The following FN1 variants were observed in gnomAD, a reference collection of about 807,000 sequenced individuals.
FN1 encodes the protein fibronectin.
Under a neutral mutation model 297.3 loss-of-function variants are expected in FN1, and 106 were observed. The observed-to-expected ratio is 0.36, with a 90% CI of 0.30 to 0.42. FN1 has a LOEUF of 0.42. FN1 is among the 10% of genes least tolerant of loss of function. The pLI is 1.00. For missense variants in FN1, 2,690 were observed against 3,124.9 expected (o/e 0.86, Z 3.32); for synonymous variants, 1,149 against 1,152.6 (o/e 1.00, Z 0.06).
At chr2:215,362,795 G>A (rs1268145679) in intron 44 of FN1, 1 of 152,662 alleles carries the variant, frequency 6.6e-6, no homozygotes, top group South Asian at 2.1e-4. Flanking sequence ...AAGCTGGCAG[G>A]GGGTAAAGCA....
In FN1 at chr2:215,407,193, C is replaced by T; in HGVS notation, c.2647G>A (p.Val883Met). ...GVQYNITIYA[V>M]EENQESTPVV... ...GGTGTACTTTCTTGATTTTCTTCCA[C>T]AGCATAGATAGTGATGTTATACTGA... Residue 883 changes from valine to methionine, a missense_variant, in exon 18 of 46, where the codon GTG becomes ATG. Physicochemically the swap from Val to Met is conservative, Grantham distance 21. This residue lies in a region of FN1 where 71 missense variants were observed against 121.7 expected (regional missense o/e 0.58). Transcript: ENST00000354785. 6.2e-7 allele frequency: 1 copy of T among 1,614,056 alleles called. No individual in the cohort carries two copies. The highest frequency in any genetic ancestry group is 1.3e-5 in the African/African-American group (1 of 75,046).
At chr2:215,365,422 C>G in intron 43 of FN1, 83 bp downstream of exon 43, 1 of 1,452,026 alleles carries the variant, frequency 6.9e-7, no homozygotes, top group Non-Finnish European at 9.7e-7. Flanking sequence ...AGTCTCCAAT[C>G]ATTTCTGTGA....
chr2:215,397,254 G>C (rs2060404767), intron 22 of FN1, 31 bp from the exon 23 acceptor site: 1 of 1,498,326 alleles, frequency 6.7e-7, no homozygotes, highest in South Asian at 1.1e-5. Context: ...AAAAGTCAAA[G>C]CTGACACAAA....
chr2:215,417,974 T>A (rs2063676817), intron 12 of FN1, among the ~76,000 whole-genome samples: 1 of 152,234 alleles, frequency 6.6e-6, no homozygotes, highest in South Asian at 2.1e-4. Flanking sequence ...AGCATTTTTT[T>A]AGAAGTTTCT....
At chr2:215,389,303 C>T (rs900371571) in intron 26 of FN1, among the ~76,000 whole-genome samples, 2 of 151,922 alleles carry the variant, frequency 1.3e-5, no homozygotes, top group Admixed American at 6.6e-5. Context: ...GGGGCTTCAC[C>T]GTGTTAACCA....
intron 5 of FN1, among the ~76,000 whole-genome samples, chr2:215,428,955 C>A (rs2106495752): frequency 6.6e-6 from 1 of 152,048 alleles, no homozygotes; most frequent in Admixed American, 6.6e-5. Context: ...GTGGAGGTTG[C>A]AATGAGCTGA....
At chr2:215,384,731 A>G (rs1559401736) in intron 29 of FN1, 129 bp downstream of exon 29, 4 of 724,476 alleles carry the variant, frequency 5.5e-6, no homozygotes, top group Non-Finnish European at 7.4e-6. Context: ...ATTTTCTTGG[A>G]AAAAACAAGG....
intron 21 of FN1, 122 bp from the exon 22 acceptor site, chr2:215,397,970 T>C: frequency 1.2e-6 from 1 of 863,572 alleles, no homozygotes; most frequent in Non-Finnish European, 1.9e-6. Flanking sequence ...AGTGTACTTT[T>C]ATTGGGAAAT....
chr2:215,404,726 T>C, intron 19 of FN1, 71 bp from the exon 20 acceptor site: 1 of 1,382,704 alleles, frequency 7.2e-7, no homozygotes, highest in Non-Finnish European at 1.0e-6. Context: ...TCCTGAAACT[T>C]GATTGAATGT....
At chr2:215,412,118 G>C (rs1397449676) in intron 13 of FN1, among the ~76,000 whole-genome samples, 2 of 151,966 alleles carry the variant, frequency 1.3e-5, no homozygotes, top group African/African-American at 4.8e-5. Flanking sequence ...TGTTGATTTC[G>C]ATCACTGGAC....
chr2:215,385,956 T>G (rs1482896575), intron 28 of FN1, among the ~76,000 whole-genome samples: 4 of 151,596 alleles, frequency 2.6e-5, no homozygotes, highest in Non-Finnish European at 4.4e-5. Context: ...TTTTGTATTT[T>G]TAGTAGAGAC....
chr2:215,397,578 C>G, intron 22 of FN1, 102 bp downstream of exon 22: 1 of 949,420 alleles, frequency 1.1e-6, no homozygotes, highest in Non-Finnish European at 1.7e-6. Context: ...AGATATCTCC[C>G]CTGTGCCATT....
chr2:215,371,200 A>G (rs1055412055), intron 40 of FN1, among the ~76,000 whole-genome samples: 1 of 152,014 alleles, frequency 6.6e-6, no homozygotes, highest in Admixed American at 6.6e-5. Flanking sequence ...CCTGGGAGGC[A>G]GAGGTTGCAG....
Position 215,362,110 on chromosome 2 carries a change from G to GTT in FN1, c.7252-32_7252-31insAA, listed in dbSNP as rs777473071. The GTT allele has an allele frequency of 2.6e-6, 4 of 1,521,076 alleles. No homozygotes were observed. In the African/African-American group the frequency reaches 5.5e-5, roughly 21 times the overall value. 94.2% of individuals were successfully genotyped at this position (1,521,076 alleles called of 1,614,324 possible). A position where few individuals can be genotyped will look rare whatever the true frequency, so the allele number is the denominator to read the frequency against. ...AGAGTAGAGGCATGAAGTCAAATGG[G>GTT]GTTTATGATAACCTGAGGACATCGT... On this transcript the variant is annotated intron_variant, in intron 44 of 45. Coordinates refer to ENST00000354785, the MANE Select transcript of FN1 (RefSeq NM_212482.4).
rs201143720 is a variant in FN1 at position 215,419,279 on chromosome 2, A to G, written c.1782T>C (p.Ile594=). The change falls in exon 12 of 46, where the codon ATT becomes ATC. Residue 594 remains isoleucine (I), a synonymous_variant. Coordinates refer to ENST00000354785, the MANE Select transcript of FN1 (RefSeq NM_212482.4). ...GTAAAGGTTGGCAATGCCACTCCCC[A>G]ATGCCACGGCCATAGCAGTAGCACT... ...RYQCYCYGRG[I]GEWHCQPLQT... 58 of 1,614,060 alleles carry G rather than the reference A, an allele frequency of 3.6e-5. No homozygotes were observed. The East Asian group carries it at 1.2e-3, about 33-fold the overall frequency.
At chr2:215,404,679 C>G (rs2061546341) in intron 19 of FN1, 24 bp from the exon 20 acceptor site, 2 of 1,605,698 alleles carry the variant, frequency 1.2e-6, no homozygotes, top group Non-Finnish European at 1.7e-6. Context: ...TGAAACATGC[C>G]AAGAAATATT....
chr2:215,404,792 C>A (rs2061563754), intron 19 of FN1, 137 bp from the exon 20 acceptor site: 6 of 825,880 alleles, frequency 7.3e-6, no homozygotes, highest in Non-Finnish European at 1.2e-5. Flanking sequence ...CCTGGAAAAA[C>A]TGAGCCAGTA....
At chr2:215,365,258 AT>A (rs1337850451) in intron 43 of FN1, among the ~76,000 whole-genome samples, 5 of 152,312 alleles carry the variant, frequency 3.3e-5, no homozygotes, top group African/African-American at 1.2e-4. Context: ...TCTTTGTAGC[AT>A]TTTACTGCAG....
chr2:215,380,849 T>G lies in FN1; in HGVS notation c.5396A>C (p.Asp1799Ala). The G allele has an allele frequency of 4.3e-6, 7 of 1,613,858 alleles. No homozygotes were observed. Among genetic ancestry groups the G allele is most frequent in the African/African-American group, 2.7e-5 (2 of 75,044 alleles). The change falls in exon 33 of 46, where the codon GAT becomes GCT. Residue 1799 changes from aspartate (D) to alanine (A), a missense_variant. Transcript: ENST00000354785. Reference protein sequence around the residue: ...YTVSVVALHDDMESQPLIGTQ... With the variant: ...YTVSVVALHDAMESQPLIGTQ... ...TCCAATCAGGGGCTGGCTCTCCATA[T>G]CATCGTGCAAGGCAACCACACTGAC... is the stretch of plus-strand genomic sequence containing the variant.
Sources: allele counts gnomAD v4.1 joint callset (sites outside exome capture counted in the v4.1 genomes callset), GRCh38; gene constraint gnomAD v4.1.1; regional missense constraint gnomAD v4.1.1; transcripts MANE v1.5; gene names NCBI Gene and HGNC (gene_info 2026-07-23, HGNC 2026-07-21).